Variants in PRKCZ observed in about 807,000 individuals in gnomAD.
PRKCZ encodes protein kinase C zeta, also known as protein kinase C zeta type.
Under a neutral mutation model 79.5 loss-of-function variants are expected in PRKCZ, and 33 were observed. The observed-to-expected ratio is 0.41, with a 90% CI of 0.31 to 0.55. The LOEUF is 0.55. PRKCZ is among the 20% of genes least tolerant of loss of function. The probability of loss-of-function intolerance (pLI) is 0.19; values close to 1 mark genes in which losing one functional copy is unlikely to be tolerated. For missense variants in PRKCZ, 578 were observed against 813.5 expected (o/e 0.71, Z 3.52); for synonymous variants, 342 against 320.9 (o/e 1.07, Z -0.70).
chr1:2,091,327 G>A (rs574308393), intron 4 of PRKCZ, among the ~76,000 whole-genome samples: 74 of 152,312 alleles, frequency 4.9e-4, no homozygotes, highest in Admixed American at 1.2e-3. Flanking sequence ...GTGAGCCACC[G>A]CGCCTGGCCT....
chr1:2,148,988 C>G, intron 8 of PRKCZ, 64 bp downstream of exon 8: 2 of 1,533,868 alleles, frequency 1.3e-6, no homozygotes, highest in Non-Finnish European at 1.8e-6. Context: ...GAGCCTGTCT[C>G]TGGGGTAGTC....
At position 2,112,692 on chromosome 1, in the gene PRKCZ, T is replaced by TTGGTTGG. The variant is rs555132032; in HGVS notation, c.335-22569_335-22568insGGTTGGT. The stretch of plus-strand genomic sequence containing the variant: ...TTTGTTTGTTTGGTTGGTTGGTTGG[T>TTGGTTGG]TTTTTTTTTTTTTGGAGACAGAGTC... On this transcript the variant is annotated intron_variant, in intron 4 of 17. Transcript: ENST00000378567. Among the ~76,000 whole-genome samples, 864 of 123,922 alleles carry TTGGTTGG rather than the reference T, an allele frequency of 7.0e-3. 13 individuals are homozygous for TTGGTTGG. The highest frequency in any genetic ancestry group is 0.022 in the African/African-American group (807 of 36,372). The allele number at this position is 123,922 out of a possible 152,430, so 81.3% of individuals were successfully genotyped here. A position where few individuals can be genotyped will look rare whatever the true frequency, so the allele number is the denominator to read the frequency against.
chr1:2,091,338 G>C (rs1665466726), intron 4 of PRKCZ, among the ~76,000 whole-genome samples: 1 of 152,160 alleles, frequency 6.6e-6, no homozygotes. Flanking sequence ...CGCCTGGCCT[G>C]TTTGTTTTTT....
At chr1:2,084,030 G>A (rs1020713458) in intron 4 of PRKCZ, among the ~76,000 whole-genome samples, 3 of 152,118 alleles carry the variant, frequency 2.0e-5, no homozygotes, top group Admixed American at 6.6e-5. Flanking sequence ...TCAGGAGTTC[G>A]AGACCAGCCT....
At chr1:2,088,107 GT>G (rs892022832) in intron 4 of PRKCZ, among the ~76,000 whole-genome samples, 2 of 152,194 alleles carry the variant, frequency 1.3e-5, no homozygotes, top group Non-Finnish European at 2.9e-5. Context: ...CTGAGTTGGG[GT>G]TTTGGTTTTA....
rs1225297848 is a variant in PRKCZ, at chr1:2,125,823, C to T, written c.335-9439C>T. Among the ~76,000 whole-genome samples the T allele has an allele frequency of 1.3e-5, 2 of 152,246 alleles. No homozygotes were observed. The highest frequency in any genetic ancestry group is 1.3e-4 in the Admixed American group (2 of 15,294). On this transcript the variant is annotated intron_variant, in intron 4 of 17. Transcript: ENST00000378567. This position sits in a 1 kb window ranked among gnomAD's most constrained non-coding sequence, Gnocchi z 4.2. ...GGGGGCCCACGCATCCTAGCCACGG[C>T]CTCCTCACGTCCATGCGGGGATTTG... is the stretch of plus-strand genomic sequence containing the variant.
intron 5 of PRKCZ, among the ~76,000 whole-genome samples, chr1:2,135,866 C>A (rs1676095111): frequency 6.6e-6 from 1 of 152,334 alleles, no homozygotes; most frequent in African/African-American, 2.4e-5. Context: ...CTTTATGATG[C>A]TTTTCTAGTT....
At chr1:2,056,608 G>A (rs779728496) in intron 3 of PRKCZ, 35 bp downstream of exon 3, 67 of 1,581,642 alleles carry the variant, frequency 4.2e-5, no homozygotes, top group Middle Eastern at 3.4e-4. Context: ...CAGCTCTGGG[G>A]GGCTGTTCCT....
At chr1:2,107,754 G>A (rs1010332961) in intron 4 of PRKCZ, among the ~76,000 whole-genome samples, 11 of 151,988 alleles carry the variant, frequency 7.2e-5, no homozygotes, top group African/African-American at 2.4e-4. Flanking sequence ...CGGCAGTGTC[G>A]AGGGAGCCCC....
chr1:2,060,031 G>A (rs928532797), intron 4 of PRKCZ, among the ~76,000 whole-genome samples: 9 of 152,180 alleles, frequency 5.9e-5, no homozygotes, highest in African/African-American at 1.7e-4. Context: ...AGTGAGTCCC[G>A]GGGGCTGTGG....
rs1337108564 is a variant in PRKCZ, at chr1:2,082,847, G to A, written c.334+23256G>A. On this transcript the variant is annotated intron_variant, in intron 4 of 17. Coordinates refer to ENST00000378567, the MANE Select transcript of PRKCZ (RefSeq NM_002744.6). The surrounding 1 kb of genome is among the most constrained non-coding windows in gnomAD (Gnocchi z 4.4). ...AGAGGGTGGAGGGGCGGCCAAGGGC[G>A]TGAGGGAGAGGGTGGAGGGGTGGTG... Among the ~76,000 whole-genome samples the A allele has an allele frequency of 1.3e-5, 2 of 150,830 alleles. No homozygotes were observed. The highest frequency in any genetic ancestry group is 3.0e-5 in the Non-Finnish European group (2 of 67,658).
intron 10 of PRKCZ, 70 bp from the exon 11 acceptor site, chr1:2,169,448 T>C (rs1683981623): frequency 7.2e-7 from 1 of 1,381,778 alleles, no homozygotes; most frequent in African/African-American, 1.4e-5. Flanking sequence ...GCCGCTTCTG[T>C]GGGGCTTCTG....
intron 1 of PRKCZ, among the ~76,000 whole-genome samples, chr1:2,052,931 G>C (rs922613616): frequency 2.0e-5 from 3 of 152,184 alleles, no homozygotes; most frequent in Non-Finnish European, 4.4e-5. Context: ...AGGGCCCTCT[G>C]AGCACACTTG....
intron 4 of PRKCZ, among the ~76,000 whole-genome samples, chr1:2,080,844 C>A (rs1420216936): frequency 6.6e-6 from 1 of 152,168 alleles, no homozygotes; most frequent in African/African-American, 2.4e-5. Flanking sequence ...TTTCAACGAC[C>A]TTCGTAGTTT....
Position 2,082,160 on chromosome 1 carries a change from C to T in PRKCZ, c.334+22569C>T, listed in dbSNP as rs968511301. On this transcript the variant is annotated intron_variant, in intron 4 of 17. Coordinates refer to ENST00000378567, the MANE Select transcript of PRKCZ (RefSeq NM_002744.6). The surrounding 1 kb of genome is among the most constrained non-coding windows in gnomAD (Gnocchi z 4.4). The stretch of plus-strand genomic sequence containing the variant: ...CGGACGTGGTCAGGGGTGCTGGACG[C>T]GTCAGACGGGTTCTTTGCAGCCCTT... The T allele has an allele frequency of 3.2e-5, 11 of 346,280 alleles. No homozygotes were observed. The highest frequency in any genetic ancestry group is 1.0e-3 in the Middle Eastern group (1 of 970). 21.5% of individuals were successfully genotyped at this position (346,280 alleles called of 1,614,324 possible).
chr1:2,065,015 T>C (rs150118988), intron 4 of PRKCZ, among the ~76,000 whole-genome samples: 2 of 152,378 alleles, frequency 1.3e-5, no homozygotes, highest in East Asian at 3.9e-4. Flanking sequence ...ATGTTTTCTT[T>C]GATTTCTTTC....
chr1:2,106,984 A>G (rs966168949), intron 4 of PRKCZ, among the ~76,000 whole-genome samples: 2 of 152,256 alleles, frequency 1.3e-5, no homozygotes, highest in Non-Finnish European at 2.9e-5. Flanking sequence ...CACAGGAGTC[A>G]CTTGACTTCA....
At chr1:2,052,268 C>T (rs536254209) in intron 1 of PRKCZ, among the ~76,000 whole-genome samples, 3 of 152,286 alleles carry the variant, frequency 2.0e-5, no homozygotes, top group East Asian at 3.9e-4. Flanking sequence ...CTGGGCCGCC[C>T]CGTCCTCCCT....
chr1:2,139,598 C>A (rs530766309), intron 5 of PRKCZ, among the ~76,000 whole-genome samples: 4 of 152,142 alleles, frequency 2.6e-5, no homozygotes, highest in African/African-American at 9.6e-5. Flanking sequence ...CAAAACAACA[C>A]AAAACAAAAA....
Sources: allele counts gnomAD v4.1 joint callset (sites outside exome capture counted in the v4.1 genomes callset), GRCh38; gene constraint gnomAD v4.1.1; non-coding constraint Gnocchi (gnomAD v3.1); transcripts MANE v1.5; gene names NCBI Gene and HGNC (gene_info 2026-07-23, HGNC 2026-07-21).